CTNNA3: variants seen among roughly 807,000 people sequenced by gnomAD.
CTNNA3 encodes the protein catenin alpha 3.
A neutral mutation model predicts 95.7 loss-of-function variants in CTNNA3; 76 were observed. The ratio of observed to expected loss-of-function variants is 0.79; its 90% CI spans 0.66 to 0.96. The LOEUF is 0.96. CTNNA3 is among the 40% of genes least tolerant of loss of function. CTNNA3 has a pLI of 0.00. For missense variants in CTNNA3, 1,191 were observed against 1,089.8 expected (o/e 1.09, Z -1.31); for synonymous variants, 431 against 374.4 (o/e 1.15, Z -1.74).
intron 11 of CTNNA3, among the ~76,000 whole-genome samples, chr10:66,408,760 G>C (rs1016617110): frequency 6.6e-6 from 1 of 152,138 alleles, no homozygotes; most frequent in Non-Finnish European, 1.5e-5. Context: ...GATGTCTAAT[G>C]AGTACATTAA....
chr10:66,854,418 C>A (rs966434322), intron 7 of CTNNA3, among the ~76,000 whole-genome samples: 1 of 151,890 alleles, frequency 6.6e-6, no homozygotes, highest in Non-Finnish European at 1.5e-5. Context: ...ATGAATCAGA[C>A]ATAACTATGA....
intron 1 of CTNNA3, among the ~76,000 whole-genome samples, chr10:67,662,436 TC>T (rs1840215873): frequency 6.6e-6 from 1 of 152,144 alleles, no homozygotes; most frequent in Non-Finnish European, 1.5e-5. Flanking sequence ...ACTACTGTAG[TC>T]AGAAACTAGA....
intron 13 of CTNNA3, among the ~76,000 whole-genome samples, chr10:66,150,890 T>C (rs2084165727): frequency 6.6e-6 from 1 of 152,052 alleles, no homozygotes; most frequent in Non-Finnish European, 1.5e-5. Flanking sequence ...TGTAGCATTG[T>C]AAGTGTACAA....
At chr10:67,592,275 T>C (rs989122659) in intron 3 of CTNNA3, among the ~76,000 whole-genome samples, 1 of 152,158 alleles carries the variant, frequency 6.6e-6, no homozygotes, top group African/African-American at 2.4e-5. Context: ...CAATCTCCAA[T>C]GTCCATGTAC....
At chr10:67,176,419 G>A (rs944427836) in intron 7 of CTNNA3, among the ~76,000 whole-genome samples, 1 of 152,098 alleles carries the variant, frequency 6.6e-6, no homozygotes, top group African/African-American at 2.4e-5. Context: ...TGTGCCTGAG[G>A]CTTGGGATAA....
intron 14 of CTNNA3, among the ~76,000 whole-genome samples, chr10:66,088,543 G>A (rs1214525288): frequency 1.4e-5 from 2 of 147,640 alleles, no homozygotes; most frequent in Non-Finnish European, 3.0e-5. Context: ...ATACTGAGTG[G>A]TGAATATCTT....
intron 5 of CTNNA3, among the ~76,000 whole-genome samples, chr10:67,235,552 A>G (rs1865413671): frequency 6.7e-6 from 1 of 148,652 alleles, no homozygotes; most frequent in Non-Finnish European, 1.5e-5. Context: ...ACCTAAAACC[A>G]TAAAAACCCT....
chr10:66,495,737 C>A (rs1840078243), intron 11 of CTNNA3, among the ~76,000 whole-genome samples: 1 of 152,100 alleles, frequency 6.6e-6, no homozygotes, highest in South Asian at 2.1e-4. Context: ...CTCACTGTAG[C>A]CTCTGTCTCC....
At chr10:67,416,607 C>CAAAAA (rs368513767) in intron 5 of CTNNA3, among the ~76,000 whole-genome samples, 9 of 38,344 alleles carry the variant, frequency 2.3e-4, no homozygotes, top group East Asian at 6.3e-4. Flanking sequence ...GACTCTGTCT[C>CAAAAA]AAAAAAAAAA....
intron 7 of CTNNA3, among the ~76,000 whole-genome samples, chr10:66,824,723 T>C (rs1842433128): frequency 1.3e-5 from 2 of 152,108 alleles, no homozygotes; most frequent in Non-Finnish European, 2.9e-5. Context: ...ATAAAATACC[T>C]AACCAGTACT....
At chr10:66,917,715 A>C (rs1342330073) in intron 7 of CTNNA3, among the ~76,000 whole-genome samples, 1 of 152,244 alleles carries the variant, frequency 6.6e-6, no homozygotes, top group Admixed American at 6.5e-5. Flanking sequence ...ATTTTAAAAC[A>C]CACCAGTGTA....
At chr10:67,354,654 T>G (rs959603451) in intron 5 of CTNNA3, among the ~76,000 whole-genome samples, 8 of 151,880 alleles carry the variant, frequency 5.3e-5, no homozygotes, top group Admixed American at 2.0e-4. Flanking sequence ...AAACAATATA[T>G]CTAGGGAATG....
At chr10:67,587,850 T>C (rs1354643177) in intron 3 of CTNNA3, among the ~76,000 whole-genome samples, 1 of 152,196 alleles carries the variant, frequency 6.6e-6, no homozygotes, top group African/African-American at 2.4e-5. Context: ...ATTTGTAAAT[T>C]CAGTTACTTT....
intron 2 of CTNNA3, among the ~76,000 whole-genome samples, chr10:67,632,733 C>T (rs1370205893): frequency 1.3e-5 from 2 of 152,132 alleles, no homozygotes; most frequent in Non-Finnish European, 2.9e-5. Flanking sequence ...GTCTGATACA[C>T]AGAACTGTGT....
At chr10:66,704,256 C>T (rs1848047554) in intron 9 of CTNNA3, among the ~76,000 whole-genome samples, 1 of 152,110 alleles carries the variant, frequency 6.6e-6, no homozygotes, top group Non-Finnish European at 1.5e-5. Context: ...CTATACTCTT[C>T]CATAGAACAT....
intron 13 of CTNNA3, among the ~76,000 whole-genome samples, chr10:66,113,903 C>A (rs1244194066): frequency 6.6e-6 from 1 of 151,894 alleles, no homozygotes; most frequent in Non-Finnish European, 1.5e-5. Flanking sequence ...ACAATTGTGG[C>A]AATACCATTA....
In CTNNA3 at chr10:67,301,731, G is replaced by A. The variant is rs192971404; in HGVS notation, c.580-81861C>T. Among the ~76,000 whole-genome samples, 681 of 152,238 alleles carry A rather than the reference G, an allele frequency of 4.5e-3. 6 individuals carry two copies. Among genetic ancestry groups the A allele is most frequent in the African/African-American group, 0.015 (644 of 41,554 alleles). On this transcript the variant is annotated intron_variant, in intron 5 of 17. Coordinates refer to ENST00000433211, the MANE Select transcript of CTNNA3 (RefSeq NM_013266.4). ...CGCCTGTAATCCCAGCACTTTGGGA[G>A]GCCAAGGCGGGTGGATCACGAGGTC... is the stretch of plus-strand genomic sequence containing the variant.
intron 7 of CTNNA3, among the ~76,000 whole-genome samples, chr10:66,999,394 A>T (rs1019963511): frequency 6.6e-6 from 1 of 152,134 alleles, no homozygotes; most frequent in Non-Finnish European, 1.5e-5. Context: ...ATATATAATC[A>T]AGGATAGGTA....
intron 3 of CTNNA3, among the ~76,000 whole-genome samples, chr10:67,575,318 C>T (rs921885291): frequency 6.6e-6 from 1 of 152,028 alleles, no homozygotes; most frequent in Non-Finnish European, 1.5e-5. Flanking sequence ...CTTCTGAAAC[C>T]GTATGTCGTC....
Sources: allele counts gnomAD v4.1 joint callset (sites outside exome capture counted in the v4.1 genomes callset), GRCh38; gene constraint gnomAD v4.1.1; transcripts MANE v1.5; gene names NCBI Gene and HGNC (gene_info 2026-07-23, HGNC 2026-07-21).